Variants in CTNNA3 observed in about 807,000 individuals in gnomAD.
CTNNA3 encodes the protein catenin alpha-3.
A neutral mutation model predicts 95.7 loss-of-function variants in CTNNA3; 76 were observed. That is an observed-to-expected ratio of 0.79 (90% CI 0.66 to 0.96). The LOEUF (loss-of-function observed/expected upper bound fraction) is 0.96, where lower values mean the gene tolerates loss of function less well. Among genes scored for constraint, CTNNA3 ranks in the 40% least tolerant of loss-of-function variants. The probability of loss-of-function intolerance (pLI) is 0.00; values close to 1 mark genes in which losing one functional copy is unlikely to be tolerated. For missense variants in CTNNA3, 1,191 were observed against 1,089.8 expected (o/e 1.09, Z -1.31); for synonymous variants, 431 against 374.4 (o/e 1.15, Z -1.74).
At position 65,978,780 on chromosome 10, in the gene CTNNA3, C is replaced by A. The variant is rs117836500; in HGVS notation, c.2265+9912G>T. On this transcript the variant is annotated intron_variant, in intron 16 of 17. Transcript: ENST00000433211. Reference sequence around the variant, plus strand: ...TGTTCCTCTTTTCCATCTCTTAAATCTGGTCAGCCATTAGTTTGTGCTTAT... The same window carrying A: ...TGTTCCTCTTTTCCATCTCTTAAATATGGTCAGCCATTAGTTTGTGCTTAT... 3.9e-3 allele frequency among the ~76,000 whole-genome samples: 590 copies of A among 152,240 alleles called. 3 individuals are homozygous for A. Among genetic ancestry groups the A allele is most frequent in the Non-Finnish European group, 6.6e-3 (451 of 68,022 alleles).
chr10:66,745,755 A>AT (rs34185477), intron 9 of CTNNA3, among the ~76,000 whole-genome samples: 15,963 of 128,088 alleles, frequency 0.12, 1,198 homozygotes, highest in Middle Eastern at 0.17. Flanking sequence ...ACACCTCGCT[A>AT]TTTTTTTTTT....
chr10:67,365,902 T>C (rs1843196029), intron 5 of CTNNA3, among the ~76,000 whole-genome samples: 1 of 152,252 alleles, frequency 6.6e-6, no homozygotes, highest in Admixed American at 6.5e-5. Context: ...TTATAAATCA[T>C]GCTACTATAA....
intron 15 of CTNNA3, among the ~76,000 whole-genome samples, chr10:66,063,223 T>TAGATAG (rs781582594): frequency 4.2e-5 from 5 of 117,734 alleles, no homozygotes; most frequent in African/African-American, 1.4e-4. Context: ...TAGATATAGA[T>TAGATAG]ATAGATAGAT....
intron 11 of CTNNA3, among the ~76,000 whole-genome samples, chr10:66,438,315 G>C (rs2093352111): frequency 6.6e-6 from 1 of 152,174 alleles, no homozygotes; most frequent in African/African-American, 2.4e-5. Context: ...CCTTCCCCCA[G>C]GTGCTCTGTC....
chr10:67,148,263 C>A lies in CTNNA3; in HGVS notation c.1047+32054G>T, dbSNP rs1266991531. 2.0e-5 allele frequency among the ~76,000 whole-genome samples: 3 copies of A among 152,288 alleles called. No homozygotes were observed. In the East Asian group the frequency reaches 5.8e-4, roughly 29 times the overall value. On this transcript the variant is annotated intron_variant, in intron 7 of 17. Coordinates refer to ENST00000433211, the MANE Select transcript of CTNNA3 (RefSeq NM_013266.4). ...ATTGCATACAGCCATCCTCCTAAAA[C>A]CAAATCCAGCCTTAGGAAAAGGAAA...
intron 10 of CTNNA3, among the ~76,000 whole-genome samples, chr10:66,561,228 T>A (rs1159211180): frequency 6.6e-6 from 1 of 152,124 alleles, no homozygotes; most frequent in African/African-American, 2.4e-5. Flanking sequence ...AATTTATCAA[T>A]GTACTTCATC....
At chr10:66,609,649 T>A (rs895213752) in intron 10 of CTNNA3, among the ~76,000 whole-genome samples, 2 of 151,854 alleles carry the variant, frequency 1.3e-5, no homozygotes, top group Non-Finnish European at 2.9e-5. Context: ...ACACTGTTGG[T>A]GGGAGTGTAA....
intron 7 of CTNNA3, among the ~76,000 whole-genome samples, chr10:66,818,547 G>A (rs7100178): frequency 0.58 from 87,414 of 151,916 alleles, 25,305 homozygotes; most frequent in Admixed American, 0.62. Flanking sequence ...ATTTAACAAA[G>A]GAAGTTCAAG....
At position 67,732,360 on chromosome 10, in the gene CTNNA3, G is replaced by C. The variant is rs4237313; in HGVS notation, c.-2+31074C>G. Among the ~76,000 whole-genome samples the C allele has an allele frequency of 0.033, 5,045 of 152,152 alleles. 600 individuals carry two copies. The East Asian group carries it at 0.44, about 13-fold the overall frequency. On this transcript the variant is annotated intron_variant, in intron 1 of 17. Transcript: ENST00000684154. ...CAGTTAAAATCTTATTTGGGCATCT[G>C]AATAGGACATAGTCTTATGAAAAAA...
chr10:66,110,784 G>A (rs1436107308), intron 13 of CTNNA3, among the ~76,000 whole-genome samples: 2 of 152,082 alleles, frequency 1.3e-5, no homozygotes, highest in South Asian at 2.1e-4. Flanking sequence ...GACACATCCT[G>A]AGAAATGTGT....
At chr10:66,364,326 T>C (rs954520447) in intron 12 of CTNNA3, among the ~76,000 whole-genome samples, 49 of 152,086 alleles carry the variant, frequency 3.2e-4, no homozygotes, top group African/African-American at 1.2e-3. Context: ...GAGGATCACT[T>C]GAGCCCAGGA....
rs746349432 is a variant in CTNNA3, at chr10:66,346,076, C to CAA, written c.1732+33074_1732+33075dup. Among the ~76,000 whole-genome samples the CAA allele has an allele frequency of 7.1e-5, 5 of 70,428 alleles. No individual in the cohort carries two copies. In the South Asian group the frequency reaches 1.4e-3, roughly 20 times the overall value. The allele number at this position is 70,428 out of a possible 152,430, so 46.2% of individuals were successfully genotyped here. A position where few individuals can be genotyped will look rare whatever the true frequency, so the allele number is the denominator to read the frequency against. ...TGGGCAACAGAGAGAGACTCCATCT[C>CAA]AAAAAAAAAAAAAAAAAAAAGAATA... is the stretch of plus-strand genomic sequence containing the variant. On this transcript the variant is annotated intron_variant, in intron 12 of 17. Coordinates refer to ENST00000433211, the MANE Select transcript of CTNNA3 (RefSeq NM_013266.4).
At chr10:67,290,460 A>G (rs555427395) in intron 5 of CTNNA3, among the ~76,000 whole-genome samples, 1 of 152,216 alleles carries the variant, frequency 6.6e-6, no homozygotes, top group Non-Finnish European at 1.5e-5. Flanking sequence ...TGAGAATTTA[A>G]TAAGATATGC....
chr10:66,405,853 C>T (rs944145626), intron 11 of CTNNA3, among the ~76,000 whole-genome samples: 9 of 152,212 alleles, frequency 5.9e-5, no homozygotes, highest in African/African-American at 1.7e-4. Flanking sequence ...AAGTCTACTC[C>T]CTTGGACAGA....
At chr10:66,172,148 T>A (rs576812325) in intron 13 of CTNNA3, among the ~76,000 whole-genome samples, 1 of 152,306 alleles carries the variant, frequency 6.6e-6, no homozygotes, top group African/African-American at 2.4e-5. Flanking sequence ...TGATTGATGT[T>A]ATATGCTTCC....
At chr10:67,484,883 T>C (rs1182938207) in intron 5 of CTNNA3, among the ~76,000 whole-genome samples, 2 of 152,200 alleles carry the variant, frequency 1.3e-5, no homozygotes, top group Non-Finnish European at 2.9e-5. Context: ...TGTAAATTAG[T>C]TCAACCCCTG....
intron 12 of CTNNA3, among the ~76,000 whole-genome samples, chr10:66,290,499 T>C (rs1325135279): frequency 3.9e-5 from 6 of 152,124 alleles, no homozygotes; most frequent in Non-Finnish European, 7.4e-5. Flanking sequence ...TCCTTCTCAA[T>C]GCTGTATACT....
intron 7 of CTNNA3, among the ~76,000 whole-genome samples, chr10:67,060,540 AG>A (rs1173075822): frequency 6.6e-6 from 1 of 152,246 alleles, no homozygotes; most frequent in Admixed American, 6.5e-5. Context: ...CTTTGCAGTT[AG>A]GCAGCACCAG....
At chr10:67,753,801 A>G (rs544516652) in intron 1 of CTNNA3, among the ~76,000 whole-genome samples, 2 of 152,226 alleles carry the variant, frequency 1.3e-5, no homozygotes, top group Non-Finnish European at 2.9e-5. Context: ...GATTATTATA[A>G]AGTCAAGAAA....
Sources: gnomAD v4.1 joint callset for allele counts (sites outside exome capture counted in the v4.1 genomes callset) on GRCh38, gnomAD v4.1.1 for gene constraint, MANE v1.5 for transcripts, NCBI Gene and HGNC (gene_info 2026-07-23, HGNC 2026-07-21) for gene names.